Variants in SLC60A1 observed in about 807,000 individuals in gnomAD.
SLC60A1 encodes solute carrier family 60 member 1.
the SLC60A1 span, among the ~76,000 whole-genome samples, chr1:205,594,759 GA>G: frequency 5.3e-5 from 8 of 151,828 alleles, no homozygotes; most frequent in African/African-American, 1.9e-4. Context: ...TATCTTCATT[GA>G]CCTGCTTGGA....
At chr1:205,580,375 G>A in the SLC60A1 span, among the ~76,000 whole-genome samples, 1 of 152,150 alleles carries the variant, frequency 6.6e-6, no homozygotes, top group African/African-American at 2.4e-5. This position sits in a 1 kb window ranked among gnomAD's most constrained non-coding sequence, Gnocchi z 5.0. Context: ...AGTCCCAGCT[G>A]AGGATTAACA....
At chr1:205,570,361 C>A in the SLC60A1 span, among the ~76,000 whole-genome samples, 4 of 152,328 alleles carry the variant, frequency 2.6e-5, no homozygotes, top group South Asian at 8.3e-4. Flanking sequence ...TGGACTCAGT[C>A]GAGCAAGCAG....
At chr1:205,600,662 A>G in the SLC60A1 span, 1 of 572,308 alleles carries the variant, frequency 1.7e-6, no homozygotes, top group Non-Finnish European at 3.1e-6. Context: ...TGGCTTCTCA[A>G]GTTATCTTCT....
the SLC60A1 span, chr1:205,598,857 G>C: frequency 2.1e-6 from 1 of 473,190 alleles, no homozygotes; most frequent in African/African-American, 1.9e-5. Context: ...AGTGATGATA[G>C]AGATCGTCAG....
At chr1:205,602,544 A>C in the SLC60A1 span, 2 of 152,642 alleles carry the variant, frequency 1.3e-5, no homozygotes, top group Non-Finnish European at 2.9e-5. Flanking sequence ...AAATGTTAGT[A>C]ATTTTTAAAA....
the SLC60A1 span, among the ~76,000 whole-genome samples, chr1:205,586,992 C>T: frequency 6.6e-6 from 1 of 152,168 alleles, no homozygotes; most frequent in Admixed American, 6.5e-5. Context: ...GCCACTCTGC[C>T]TAGCGCTAGG....
At chr1:205,595,005 T>G in the SLC60A1 span, 2 of 152,236 alleles carry the variant, frequency 1.3e-5, no homozygotes, top group Non-Finnish European at 2.9e-5. Flanking sequence ...GTGAGGACCA[T>G]GTACTAAGCC....
chr1:205,569,381 G>C, the SLC60A1 span: 17 of 976,918 alleles, frequency 1.7e-5, no homozygotes, highest in Non-Finnish European at 2.2e-5. Flanking sequence ...CCCGCCCCGC[G>C]ACCCGGCCTC....
chr1:205,580,893 A>T, the SLC60A1 span: 1 of 1,613,862 alleles, frequency 6.2e-7, no homozygotes, highest in Non-Finnish European at 8.5e-7. The surrounding 1 kb of genome is among the most constrained non-coding windows in gnomAD (Gnocchi z 5.0). Flanking sequence ...CGAGTGTCCT[A>T]TGCCTTCTGG....
chr1:205,602,611 A>T, the SLC60A1 span: 1 of 152,688 alleles, frequency 6.5e-6, no homozygotes. Context: ...ATTGCAAGTC[A>T]AGCAGATCCA....
chr1:205,588,468 T>TGA, the SLC60A1 span, among the ~76,000 whole-genome samples: 1 of 4,142 alleles, frequency 2.4e-4, no homozygotes, highest in Non-Finnish European at 6.5e-4. Flanking sequence ...AGACTTCAAA[T>TGA]CAAAAAAAAA....
chr1:205,593,402 T>C, the SLC60A1 span, among the ~76,000 whole-genome samples: 1 of 30,292 alleles, frequency 3.3e-5, no homozygotes, highest in African/African-American at 1.6e-4. Context: ...ACCCAGGAGG[T>C]GGAGCTTGCA....
the SLC60A1 span, among the ~76,000 whole-genome samples, chr1:205,590,477 C>T: frequency 2.7e-3 from 414 of 152,340 alleles, 1 homozygote; most frequent in Non-Finnish European, 4.3e-3. Context: ...GATCCCTCCC[C>T]AGGGAAGGAA....
At chr1:205,599,337 A>C in the SLC60A1 span, 1 of 1,523,258 alleles carries the variant, frequency 6.6e-7, no homozygotes, top group Non-Finnish European at 8.9e-7. Context: ...TATGGATCTT[A>C]ACGTGCCAGA....
chr1:205,578,001 G>T, the SLC60A1 span, among the ~76,000 whole-genome samples: 1 of 152,330 alleles, frequency 6.6e-6, no homozygotes. Flanking sequence ...CCTCTGCGCA[G>T]CCCCTGCCCC....
At chr1:205,572,312 G>T in the SLC60A1 span, among the ~76,000 whole-genome samples, 8 of 152,198 alleles carry the variant, frequency 5.3e-5, no homozygotes, top group East Asian at 1.5e-3. Context: ...CCTTTATCTC[G>T]AAGGCGTCAG....
chr1:205,584,933 C>G, the SLC60A1 span: 4 of 1,613,974 alleles, frequency 2.5e-6, no homozygotes. Flanking sequence ...GCCCCTTATT[C>G]CTTCTTTGCC....
chr1:205,598,440 A>C, the SLC60A1 span: 2 of 152,866 alleles, frequency 1.3e-5, no homozygotes, highest in African/African-American at 4.8e-5. Context: ...AACTCAGATG[A>C]ATTTAGCAAC....
At chr1:205,600,583 T>G in the SLC60A1 span, 1 of 911,996 alleles carries the variant, frequency 1.1e-6, no homozygotes, top group Admixed American at 2.3e-5. Flanking sequence ...TCTTCTCCAC[T>G]AAAACTTGGT....
Sources: allele counts gnomAD v4.1 joint callset (sites outside exome capture counted in the v4.1 genomes callset), GRCh38; gene constraint gnomAD v4.1.1; non-coding constraint Gnocchi (gnomAD v3.1); transcripts MANE v1.5; gene names NCBI Gene and HGNC (gene_info 2026-07-23, HGNC 2026-07-21).